The following DLGAP2 variants were observed in gnomAD, a reference collection of about 807,000 sequenced individuals.
The protein encoded by DLGAP2 is disks large-associated protein 2.
A neutral mutation model predicts 100.3 loss-of-function variants in DLGAP2; 26 were observed. That is an observed-to-expected ratio of 0.26 (90% CI 0.19 to 0.36). The LOEUF (loss-of-function observed/expected upper bound fraction) is 0.36. DLGAP2 is among the 10% of genes least tolerant of loss of function. The pLI, the probability that DLGAP2 is intolerant of heterozygous loss-of-function variation, is 1.00. For synonymous variants in DLGAP2, 886 were observed against 630.1 expected (o/e 1.41, Z -6.08); for missense variants, 1,858 against 1,453.2 (o/e 1.28, Z -4.53).
At chr8:820,053 G>A (rs1307777547) in intron 1 of DLGAP2, among the ~76,000 whole-genome samples, 4 of 152,352 alleles carry the variant, frequency 2.6e-5, no homozygotes, top group African/African-American at 9.6e-5. Flanking sequence ...CACTAGTGCT[G>A]TAGGAGATAA....
intron 2 of DLGAP2, among the ~76,000 whole-genome samples, chr8:1,245,470 C>A (rs940331555): frequency 2.6e-5 from 4 of 152,194 alleles, no homozygotes; most frequent in African/African-American, 9.6e-5. Flanking sequence ...GAAACATTTT[C>A]TACGTGAAAG....
At chr8:1,125,785 T>G (rs1796150030) in intron 2 of DLGAP2, among the ~76,000 whole-genome samples, 1 of 152,230 alleles carries the variant, frequency 6.6e-6, no homozygotes, top group East Asian at 1.9e-4. Flanking sequence ...AGCAAAACAT[T>G]GCAGAGGCGG....
chr8:976,436 C>A (rs983246679), intron 2 of DLGAP2, among the ~76,000 whole-genome samples: 3 of 152,038 alleles, frequency 2.0e-5, no homozygotes, highest in Non-Finnish European at 2.9e-5. Flanking sequence ...ATGGTAAAAC[C>A]CCATGTCTAC....
chr8:1,319,357 G>T (rs769814903), intron 3 of DLGAP2, among the ~76,000 whole-genome samples: 2 of 152,200 alleles, frequency 1.3e-5, no homozygotes, highest in Non-Finnish European at 2.9e-5. Flanking sequence ...AGAGGTTCAT[G>T]CAGGTGTTGG....
At chr8:953,392 C>T (rs1418608610) in intron 2 of DLGAP2, among the ~76,000 whole-genome samples, 4 of 152,128 alleles carry the variant, frequency 2.6e-5, no homozygotes, top group Non-Finnish European at 4.4e-5. Context: ...CGGGATTTCG[C>T]CATGTTGGCC....
chr8:860,781 G>A (rs1395628479), intron 1 of DLGAP2, among the ~76,000 whole-genome samples: 5 of 152,242 alleles, frequency 3.3e-5, no homozygotes, highest in African/African-American at 1.2e-4. Flanking sequence ...CAGGTAGCGT[G>A]TGCACCCTGT....
rs145171800 is a variant in DLGAP2, at chr8:1,151,673, C to G, written c.74-107178C>G. Reference sequence around the variant, plus strand: ...AGCTCTTCCGGTGCCTGTGGTTTCTCTCTTGCCTTCAGCTCAAAGCGGTGC... The same window carrying G: ...AGCTCTTCCGGTGCCTGTGGTTTCTGTCTTGCCTTCAGCTCAAAGCGGTGC... On this transcript the variant is annotated intron_variant, in intron 2 of 14. Coordinates refer to ENST00000637795, the MANE Select transcript of DLGAP2 (RefSeq NM_001346810.2). Among the ~76,000 whole-genome samples the G allele has an allele frequency of 4.6e-3, 696 of 152,312 alleles. 1 individual carries two copies. Among genetic ancestry groups the G allele is most frequent in the Middle Eastern group, 0.01 (3 of 294 alleles).
intron 2 of DLGAP2, among the ~76,000 whole-genome samples, chr8:1,082,756 C>G (rs1300560464): frequency 6.6e-6 from 1 of 152,132 alleles, no homozygotes; most frequent in Non-Finnish European, 1.5e-5. Flanking sequence ...ATTGAAAAAC[C>G]TGGTAGGAAC....
At position 1,227,742 on chromosome 8, in the gene DLGAP2, G is replaced by A. The variant is rs1008143331; in HGVS notation, c.74-31109G>A. On this transcript the variant is annotated intron_variant, in intron 2 of 14. Coordinates refer to ENST00000637795, the MANE Select transcript of DLGAP2 (RefSeq NM_001346810.2). The stretch of plus-strand genomic sequence containing the variant: ...TAAAGAGATAAAACTAGTTATCAGG[G>A]ATGGGGTAGAGAGAGGAAAAGGAGA... Among the ~76,000 whole-genome samples the A allele has an allele frequency of 2.0e-5, 3 of 152,284 alleles. No homozygotes were observed. In the South Asian group the frequency reaches 6.2e-4, roughly 32 times the overall value.
chr8:1,496,909 C>G (rs75638228), intron 3 of DLGAP2, among the ~76,000 whole-genome samples: 2,745 of 152,240 alleles, frequency 0.018, 90 homozygotes, highest in African/African-American at 0.064. Flanking sequence ...CTTGCTACAG[C>G]TCCCCCAAGA....
At chr8:968,652 C>T (rs1253174047) in intron 2 of DLGAP2, among the ~76,000 whole-genome samples, 1 of 152,128 alleles carries the variant, frequency 6.6e-6, no homozygotes, top group Admixed American at 6.5e-5. Context: ...TATTTCCACT[C>T]TGTTTAAGTT....
intron 6 of DLGAP2, among the ~76,000 whole-genome samples, chr8:1,606,028 A>G (rs1215690466): frequency 6.6e-6 from 1 of 152,184 alleles, no homozygotes; most frequent in Non-Finnish European, 1.5e-5. Context: ...ACCAAATCAG[A>G]GGCGAAGAAT....
chr8:1,168,668 A>G (rs1797067142), intron 2 of DLGAP2, among the ~76,000 whole-genome samples: 2 of 146,876 alleles, frequency 1.4e-5, no homozygotes, highest in South Asian at 4.4e-4. Flanking sequence ...TTTTGGCTGC[A>G]TAAATGTCTT....
intron 2 of DLGAP2, among the ~76,000 whole-genome samples, chr8:1,180,816 AGT>A (rs1172611481): frequency 6.6e-6 from 1 of 150,484 alleles, no homozygotes; most frequent in East Asian, 2.0e-4. Flanking sequence ...CTTACCGTTG[AGT>A]GTGTGTGGTG....
intron 2 of DLGAP2, among the ~76,000 whole-genome samples, chr8:1,068,200 C>T (rs539936848): frequency 6.6e-6 from 1 of 152,204 alleles, no homozygotes; most frequent in South Asian, 2.1e-4. Context: ...TATCTGTTCC[C>T]TTATGAGGGG....
intron 1 of DLGAP2, among the ~76,000 whole-genome samples, chr8:900,226 C>T (rs559297982): frequency 4.7e-5 from 7 of 148,896 alleles, no homozygotes; most frequent in Non-Finnish European, 7.4e-5. Flanking sequence ...GGACGGTGGG[C>T]GCCCTGCTCT....
chr8:1,245,441 G>A (rs59736520), intron 2 of DLGAP2, among the ~76,000 whole-genome samples: 30,787 of 152,178 alleles, frequency 0.2, 3,813 homozygotes, highest in African/African-American at 0.34. Context: ...GATGCATGCT[G>A]TGACACAGAC....
chr8:824,067 C>G (rs1200792116), intron 1 of DLGAP2, among the ~76,000 whole-genome samples: 2 of 150,188 alleles, frequency 1.3e-5, no homozygotes, highest in African/African-American at 4.9e-5. Flanking sequence ...TCTTCCTCCT[C>G]TTCCTTTTTC....
chr8:1,599,947 A>T (rs750481168), intron 6 of DLGAP2, among the ~76,000 whole-genome samples: 20 of 152,222 alleles, frequency 1.3e-4, no homozygotes, highest in Non-Finnish European at 2.6e-4. Flanking sequence ...CCATTAATTG[A>T]TGCAATTTCT....
Sources: allele counts gnomAD v4.1 joint callset (sites outside exome capture counted in the v4.1 genomes callset), GRCh38; gene constraint gnomAD v4.1.1; transcripts MANE v1.5; gene names NCBI Gene and HGNC (gene_info 2026-07-23, HGNC 2026-07-21).